The following MTUS2 variants were observed in gnomAD, a reference collection of about 807,000 sequenced individuals.
MTUS2 encodes the protein microtubule-associated tumor suppressor candidate 2.
In MTUS2, 40 loss-of-function variants were observed where a neutral mutation model predicts 114.1. The observed-to-expected ratio is 0.35, with a 90% CI of 0.27 to 0.46. The LOEUF is 0.46. MTUS2 is among the 20% of genes least tolerant of loss of function. MTUS2 has a pLI of 1.00. For missense variants in MTUS2, 1,679 were observed against 1,705.4 expected, an observed-to-expected ratio of 0.98 and a Z score of 0.27; for synonymous variants, 688 against 672.0, an observed-to-expected ratio of 1.02 and a Z score of -0.37.
chr13:29,484,405 G>T (rs1013391283), intron 10 of MTUS2, among the ~76,000 whole-genome samples: 3 of 152,226 alleles, frequency 2.0e-5, no homozygotes, highest in African/African-American at 7.2e-5. Context: ...CTCAGCACCA[G>T]AGCCTGCCAT....
intron 2 of MTUS2, among the ~76,000 whole-genome samples, chr13:29,001,959 C>A (rs1273720330): frequency 6.6e-6 from 1 of 152,158 alleles, no homozygotes; most frequent in Non-Finnish European, 1.5e-5. Context: ...AGATACATTT[C>A]TCCAGCTTTT....
intron 5 of MTUS2, among the ~76,000 whole-genome samples, chr13:29,123,350 A>C (rs758954380): frequency 6.6e-6 from 1 of 151,878 alleles, no homozygotes; most frequent in Non-Finnish European, 1.5e-5. Flanking sequence ...CTTCTCTGAG[A>C]ATGTAATTTT....
At chr13:29,145,079 T>C (rs1042598407) in intron 5 of MTUS2, among the ~76,000 whole-genome samples, 5 of 152,262 alleles carry the variant, frequency 3.3e-5, no homozygotes, top group African/African-American at 1.2e-4. Flanking sequence ...GCTGCCCTTA[T>C]TAAATTGCCC....
At chr13:28,937,394 G>A (rs1410551292) in intron 2 of MTUS2, among the ~76,000 whole-genome samples, 1 of 152,124 alleles carries the variant, frequency 6.6e-6, no homozygotes, top group Non-Finnish European at 1.5e-5. Context: ...GGACAATTAA[G>A]GGAATAAAAG....
intron 5 of MTUS2, among the ~76,000 whole-genome samples, chr13:29,183,222 A>G (rs748503016): frequency 3.3e-5 from 5 of 151,968 alleles, no homozygotes; most frequent in Non-Finnish European, 7.4e-5. Context: ...AGTCAGTGCC[A>G]ACAGGATGTC....
At chr13:28,911,845 G>GTTTTTTTTTTTTTTTTTTTTTATTTT in intron 2 of MTUS2, among the ~76,000 whole-genome samples, 1 of 103,828 alleles carries the variant, frequency 9.6e-6, no homozygotes, top group African/African-American at 3.8e-5. Flanking sequence ...ACTTTTTAAT[G>GTTTTTTTTTTTTTTTTTTTTTATTTT]TTTTTTTTTT....
chr13:28,844,590 A>T (rs146394490), intron 2 of MTUS2, among the ~76,000 whole-genome samples: 335 of 148,172 alleles, frequency 2.3e-3, no homozygotes, highest in African/African-American at 7.1e-3. Context: ...TTTGTGTGTG[A>T]GTGTGTGTGT....
intron 4 of MTUS2, among the ~76,000 whole-genome samples, chr13:29,086,961 A>G (rs1889719044): frequency 6.6e-6 from 1 of 152,124 alleles, no homozygotes; most frequent in Non-Finnish European, 1.5e-5. Flanking sequence ...TTGTATTCTG[A>G]AAATTTACTG....
intron 9 of MTUS2, among the ~76,000 whole-genome samples, chr13:29,449,594 C>G (rs60642819): frequency 0.089 from 13,544 of 151,682 alleles, 808 homozygotes; most frequent in African/African-American, 0.17. Context: ...TGGTGTGGGA[C>G]AAAAGTCTTA....
chr13:29,284,883 T>C (rs1167834590), intron 6 of MTUS2, among the ~76,000 whole-genome samples: 1 of 152,150 alleles, frequency 6.6e-6, no homozygotes, highest in Non-Finnish European at 1.5e-5. Context: ...TAATGAGCAC[T>C]CCTAGAGCCC....
At chr13:29,240,458 CAG>C (rs769286834) in intron 5 of MTUS2, among the ~76,000 whole-genome samples, 10 of 152,194 alleles carry the variant, frequency 6.6e-5, no homozygotes, top group Non-Finnish European at 1.3e-4. Context: ...TGGAAAGACT[CAG>C]TGTGAAATCG....
intron 2 of MTUS2, among the ~76,000 whole-genome samples, chr13:28,850,009 C>T (rs569227871): frequency 3.9e-5 from 6 of 152,164 alleles, no homozygotes; most frequent in African/African-American, 1.4e-4. Context: ...TGCTTCGAAA[C>T]GATGAATGGG....
chr13:29,032,187 T>C (rs1323061354), intron 3 of MTUS2, among the ~76,000 whole-genome samples: 1 of 152,104 alleles, frequency 6.6e-6, no homozygotes, highest in Non-Finnish European at 1.5e-5. Context: ...AAAGGCGCAG[T>C]TTTCCCCCTT....
At chr13:29,464,585 C>T (rs574679106) in intron 9 of MTUS2, among the ~76,000 whole-genome samples, 14 of 152,210 alleles carry the variant, frequency 9.2e-5, no homozygotes, top group Non-Finnish European at 1.5e-4. Flanking sequence ...GTATGGAGAC[C>T]TAGGGCCTTG....
At chr13:29,407,444 G>GTATTTATT (rs1555274919) in intron 8 of MTUS2, among the ~76,000 whole-genome samples, 6 of 136,482 alleles carry the variant, frequency 4.4e-5, no homozygotes, top group African/African-American at 1.6e-4. Context: ...CAGAGTGATT[G>GTATTTATT]TACTTATTTA....
intron 2 of MTUS2, among the ~76,000 whole-genome samples, chr13:28,916,225 C>T (rs1880738027): frequency 6.6e-6 from 1 of 151,566 alleles, no homozygotes; most frequent in Non-Finnish European, 1.5e-5. Context: ...TTAAGTCGGG[C>T]AAAGTAACTC....
intron 2 of MTUS2, among the ~76,000 whole-genome samples, chr13:28,923,442 A>T (rs1485688919): frequency 6.6e-6 from 1 of 152,214 alleles, no homozygotes; most frequent in Non-Finnish European, 1.5e-5. Flanking sequence ...AGTATGCAGG[A>T]CCTGGCCTAC....
chr13:29,061,446 T>C (rs1402846010), intron 4 of MTUS2, among the ~76,000 whole-genome samples: 1 of 152,216 alleles, frequency 6.6e-6, no homozygotes, highest in African/African-American at 2.4e-5. Context: ...AAGTTGTTCT[T>C]ACTCAGTCTT....
At chr13:29,488,334 ACATCAAG>A (rs1361171385) in intron 11 of MTUS2, among the ~76,000 whole-genome samples, 1 of 152,026 alleles carries the variant, frequency 6.6e-6, no homozygotes, top group Non-Finnish European at 1.5e-5. Flanking sequence ...TGCAGTGTAA[ACATCAAG>A]ATTTCTTAAG....
Sources: allele counts gnomAD v4.1 joint callset (sites outside exome capture counted in the v4.1 genomes callset), GRCh38; gene constraint gnomAD v4.1.1; transcripts MANE v1.5; gene names NCBI Gene and HGNC (gene_info 2026-07-23, HGNC 2026-07-21).